Variants in MMP26 observed in about 807,000 individuals in gnomAD.
MMP26 encodes the protein matrix metallopeptidase 26, also known as matrix metalloproteinase-26.
In MMP26, 33 loss-of-function variants were observed where a neutral mutation model predicts 31.0. The observed-to-expected ratio is 1.06, with a 90% CI of 0.81 to 1.42. The LOEUF (loss-of-function observed/expected upper bound fraction) is 1.42. Among genes scored for constraint, MMP26 ranks in the 40% most tolerant of loss-of-function variants. The probability of loss-of-function intolerance (pLI) is 0.00; values close to 1 mark genes in which losing one functional copy is unlikely to be tolerated. For missense variants in MMP26, 347 were observed against 316.1 expected, an observed-to-expected ratio of 1.10 and a Z score of -0.74; for synonymous variants, 122 against 114.9, an observed-to-expected ratio of 1.06 and a Z score of -0.40.
At chr11:4,770,000 G>C in intron 2 of MMP26, 1 of 700,884 alleles carries the variant, frequency 1.4e-6, no homozygotes, top group Non-Finnish European at 2.5e-6. Flanking sequence ...AAAATATTTA[G>C]ATACATTTTC....
At chr11:4,991,251 C>T (rs1429117934) in intron 5 of MMP26, 120 bp from the exon 6 acceptor site, 5 of 1,261,768 alleles carry the variant, frequency 4.0e-6, no homozygotes, top group Non-Finnish European at 5.4e-6. Context: ...TTAGCTCTCT[C>T]ACATCCCCCA....
intron 2 of MMP26, among the ~76,000 whole-genome samples, chr11:4,770,486 C>G (rs999909650): frequency 1.3e-5 from 2 of 152,162 alleles, no homozygotes; most frequent in African/African-American, 4.8e-5. Flanking sequence ...GAGGACAGAA[C>G]TCTCCAGAAG....
At chr11:4,734,543 G>A (rs187559715) in intron 1 of MMP26, among the ~76,000 whole-genome samples, 17 of 152,046 alleles carry the variant, frequency 1.1e-4, no homozygotes, top group East Asian at 3.9e-4. Context: ...TATTTAAAGC[G>A]GTGTTTAGCT....
chr11:4,917,152 T>TA (rs1851108451), intron 2 of MMP26, among the ~76,000 whole-genome samples: 1 of 8,038 alleles, frequency 1.2e-4, no homozygotes, highest in African/African-American at 6.2e-4. Context: ...GCCAAGAATG[T>TA]TTTTTTGCAT....
chr11:4,881,296 A>G (rs1468690677), intron 2 of MMP26, among the ~76,000 whole-genome samples: 2 of 152,120 alleles, frequency 1.3e-5, no homozygotes, highest in Non-Finnish European at 2.9e-5. Context: ...CTTTGCCTTT[A>G]TGAGATATCA....
intron 2 of MMP26, among the ~76,000 whole-genome samples, chr11:4,852,583 A>G (rs1232738887): frequency 6.6e-6 from 1 of 152,204 alleles, no homozygotes; most frequent in African/African-American, 2.4e-5. Context: ...GTTGGTGAGA[A>G]TGTGGAGAAA....
At chr11:4,897,831 T>C (rs1307267421) in intron 2 of MMP26, among the ~76,000 whole-genome samples, 1 of 151,456 alleles carries the variant, frequency 6.6e-6, no homozygotes, top group Non-Finnish European at 1.5e-5. Context: ...TAAGTACATG[T>C]TTCTACCTGT....
intron 2 of MMP26, among the ~76,000 whole-genome samples, chr11:4,815,148 G>C (rs1849404204): frequency 6.6e-6 from 1 of 152,176 alleles, no homozygotes; most frequent in African/African-American, 2.4e-5. Flanking sequence ...TACACGTGAG[G>C]GGGTGGGTAG....
At chr11:4,812,732 A>G (rs1849366567) in intron 2 of MMP26, among the ~76,000 whole-genome samples, 1 of 152,048 alleles carries the variant, frequency 6.6e-6, no homozygotes, top group African/African-American at 2.4e-5. Context: ...GGATGGGGGG[A>G]TGATTTCTAG....
At chr11:4,730,585 A>G (rs1163978549) in intron 1 of MMP26, among the ~76,000 whole-genome samples, 1 of 152,242 alleles carries the variant, frequency 6.6e-6, no homozygotes, top group African/African-American at 2.4e-5. Context: ...TGAGGAATAG[A>G]AACAGTTTGC....
At chr11:4,838,875 A>C (rs2133487153) in intron 2 of MMP26, among the ~76,000 whole-genome samples, 1 of 152,318 alleles carries the variant, frequency 6.6e-6, no homozygotes, top group South Asian at 2.1e-4. Context: ...AATAACTTAT[A>C]ATAAAAAGGC....
chr11:4,966,279 T>C (rs1846593695), intron 2 of MMP26, among the ~76,000 whole-genome samples: 1 of 150,300 alleles, frequency 6.7e-6, no homozygotes, highest in Admixed American at 6.6e-5. Context: ...GCAGGAGGAG[T>C]TGGTGGGTAG....
chr11:4,882,279 C>G (rs903868633), intron 2 of MMP26: 3 of 1,613,946 alleles, frequency 1.9e-6, no homozygotes, highest in Middle Eastern at 1.7e-4. Flanking sequence ...CGCTTCGTGG[C>G]TATCTGTAAC....
chr11:4,919,189 G>A (rs1851144836), intron 2 of MMP26: 1 of 152,224 alleles, frequency 6.6e-6, no homozygotes, highest in Non-Finnish European at 1.5e-5. Flanking sequence ...TCCTTAGCAG[G>A]TGCTCTCTGC....
intron 2 of MMP26, chr11:4,769,802 A>G (rs749302393): frequency 1.9e-6 from 3 of 1,613,268 alleles, no homozygotes; most frequent in East Asian, 4.5e-5. Context: ...AGAGAGGGCA[A>G]TGGCATAAAA....
Position 4,848,247 on chromosome 11 carries a change from C to A in MMP26, c.-145+80906C>A, listed in dbSNP as rs1400998162. 6 of 1,604,274 alleles carry A rather than the reference C, an allele frequency of 3.7e-6. No individual in the cohort carries two copies. The African/African-American group carries it at 8.0e-5, about 21-fold the overall frequency. ...GGAGGGACATCCTACTCACTGAGCA[C>A]CACCCACCTTCCTGGGCTGCAACCT... On this transcript the variant is annotated intron_variant, in intron 2 of 7. Transcript: ENST00000380390.
intron 1 of MMP26, among the ~76,000 whole-genome samples, chr11:4,757,241 C>T (rs1039415150): frequency 1.3e-5 from 2 of 151,742 alleles, no homozygotes; most frequent in Non-Finnish European, 2.9e-5. Context: ...GATAGACTTT[C>T]CAATAAATGG....
At chr11:4,891,021 T>A (rs1052951781) in intron 2 of MMP26, among the ~76,000 whole-genome samples, 1 of 144,176 alleles carries the variant, frequency 6.9e-6, no homozygotes, top group Non-Finnish European at 1.5e-5. Flanking sequence ...ATAATAATAA[T>A]AATAAAAGTA....
chr11:4,882,014 A>G lies in MMP26; in HGVS notation c.-144-106054A>G, dbSNP rs760964106. 3.7e-6 allele frequency: 6 copies of G among 1,613,810 alleles called. No homozygotes were observed. The Admixed American group carries it at 1.0e-4, about 27-fold the overall frequency. On this transcript the variant is annotated intron_variant, in intron 2 of 7. Coordinates refer to ENST00000380390, the MANE Select transcript of MMP26 (RefSeq NM_021801.5). ...CATTCCAGTCTGCTGTCTCTACACCATTGCCCTCTTGGGAAACAGTATGAT... is the reference window on the plus strand; with the variant it reads ...CATTCCAGTCTGCTGTCTCTACACCGTTGCCCTCTTGGGAAACAGTATGAT...
Sources: gnomAD v4.1 joint callset for allele counts (sites outside exome capture counted in the v4.1 genomes callset) on GRCh38, gnomAD v4.1.1 for gene constraint, MANE v1.5 for transcripts, NCBI Gene and HGNC (gene_info 2026-07-23, HGNC 2026-07-21) for gene names.